The following FARP2 variants were observed in gnomAD, a reference collection of about 807,000 sequenced individuals.
The protein encoded by FARP2 is FERM, ARH/RhoGEF and pleckstrin domain protein 2, also known as FERM, ARHGEF and pleckstrin domain-containing protein 2.
Under a neutral mutation model 130.5 loss-of-function variants are expected in FARP2, and 111 were observed. The ratio of observed to expected loss-of-function variants is 0.85; its 90% CI spans 0.73 to 1.00. FARP2 has a LOEUF of 1.00. Ranked by LOEUF, FARP2 falls within the 50% of genes least tolerant of loss-of-function variation. The pLI is 0.00. For missense variants in FARP2, 1,385 were observed against 1,346.3 expected (o/e 1.03, Z -0.45); for synonymous variants, 504 against 516.9 (o/e 0.98, Z 0.34).
At chr2:241,411,475 AG>A (rs2062516552) in intron 6 of FARP2, among the ~76,000 whole-genome samples, 1 of 152,264 alleles carries the variant, frequency 6.6e-6, no homozygotes, top group South Asian at 2.1e-4. Context: ...AACCCTGGAA[AG>A]GGCCTCACTG....
chr2:241,448,197 A>G (rs991573573), intron 13 of FARP2, among the ~76,000 whole-genome samples: 8 of 152,076 alleles, frequency 5.3e-5, no homozygotes, highest in African/African-American at 1.9e-4. Context: ...CCCCCCCTAC[A>G]TCATGCCAGC....
intron 9 of FARP2, 149 bp downstream of exon 9, chr2:241,431,923 G>A (rs113760094): frequency 0.19 from 42,206 of 226,048 alleles, 4,447 homozygotes; most frequent in East Asian, 0.39. Flanking sequence ...CCGGGTTCAA[G>A]CGATTCTCCT....
chr2:241,358,442 A>G (rs914076796), intron 1 of FARP2, among the ~76,000 whole-genome samples: 2 of 152,276 alleles, frequency 1.3e-5, no homozygotes, highest in African/African-American at 4.8e-5. Context: ...GGGCAATTCC[A>G]TGTGAGCTCA....
In FARP2 at chr2:241,418,007, T is replaced by G; in HGVS notation, c.669T>G (p.Ala223=). 6.2e-7 allele frequency: 1 copy of G among 1,614,132 alleles called. No individual in the cohort carries two copies. The highest frequency in any genetic ancestry group is 8.5e-7 in the Non-Finnish European group (1 of 1,180,032). The change falls in exon 8 of 27, where the codon GCT becomes GCG. Residue 223 remains alanine (A), a synonymous_variant. Transcript: ENST00000264042. ...AESDFQVLEI[A]RKLEMYGIRF... ...CGGATTTCCAGGTGCTCGAAATTGCTCGAAAGTTGGAAATGTACGGCATCA... is the reference window on the plus strand; with the variant it reads ...CGGATTTCCAGGTGCTCGAAATTGCGCGAAAGTTGGAAATGTACGGCATCA...
At chr2:241,430,775 G>A (rs1277641241) in intron 8 of FARP2, among the ~76,000 whole-genome samples, 1 of 152,146 alleles carries the variant, frequency 6.6e-6, no homozygotes, top group Admixed American at 6.5e-5. Context: ...GAGGCAAGGT[G>A]GACTAATCAC....
intron 1 of FARP2, among the ~76,000 whole-genome samples, chr2:241,361,812 G>A (rs751449552): frequency 9.2e-5 from 14 of 151,936 alleles, no homozygotes; most frequent in Admixed American, 3.3e-4. Context: ...TTGTGAAGGA[G>A]GAACTACTTT....
chr2:241,381,545 G>A (rs2061664110), intron 2 of FARP2, among the ~76,000 whole-genome samples: 2 of 152,120 alleles, frequency 1.3e-5, no homozygotes, highest in African/African-American at 2.4e-5. Context: ...CTCCACAGCT[G>A]GAAGGTGCAG....
intron 8 of FARP2, among the ~76,000 whole-genome samples, chr2:241,420,762 A>G (rs779773641): frequency 5.3e-5 from 8 of 152,114 alleles, no homozygotes; most frequent in Non-Finnish European, 1.2e-4. Flanking sequence ...CTGGCCCCAC[A>G]TGCAACAATA....
chr2:241,406,934 AG>A (rs1387839718), intron 4 of FARP2, among the ~76,000 whole-genome samples: 1 of 151,930 alleles, frequency 6.6e-6, no homozygotes, highest in African/African-American at 2.4e-5. Flanking sequence ...CAGCCTCTGG[AG>A]TAGCTGGGAC....
At chr2:241,399,466 G>A (rs533421465) in intron 2 of FARP2, among the ~76,000 whole-genome samples, 29 of 152,116 alleles carry the variant, frequency 1.9e-4, no homozygotes, top group African/African-American at 5.1e-4. Context: ...CGCCACACCC[G>A]GCTAATTTTT....
At chr2:241,458,659 T>C (rs7597299) in intron 14 of FARP2, among the ~76,000 whole-genome samples, 26,985 of 152,018 alleles carry the variant, frequency 0.18, 2,621 homozygotes, top group Middle Eastern at 0.26. Context: ...GACAATCTCT[T>C]TAGTTCACTG....
intron 21 of FARP2, among the ~76,000 whole-genome samples, chr2:241,487,729 G>A (rs1442373568): frequency 1.5e-5 from 2 of 137,378 alleles, no homozygotes; most frequent in Admixed American, 1.5e-4. Flanking sequence ...TGATGTCATA[G>A]CTTAGCCTAG....
chr2:241,416,322 T>C (rs925842092), intron 7 of FARP2, among the ~76,000 whole-genome samples: 1 of 152,128 alleles, frequency 6.6e-6, no homozygotes, highest in Admixed American at 6.6e-5. Context: ...GGAATACAGT[T>C]GAACTCTTGC....
rs1344174430 is a variant in FARP2 at position 241,493,016 on chromosome 2, T to G, written c.2875T>G (p.Phe959Val). Residue 959 changes from phenylalanine (F) to valine (V), a missense_variant, in exon 25 of 27, where the codon TTC (phenylalanine) becomes GTC (valine). Physicochemically the swap from Phe to Val is conservative, Grantham distance 50 (BLOSUM62 -1). Transcript: ENST00000264042. ...GGTCGTCTTTACCAACTTCTGTTTGTTCTTCTACAAAACTCATCAGGTACT... is the reference window on the plus strand; with the variant it reads ...GGTCGTCTTTACCAACTTCTGTTTGGTCTTCTACAAAACTCATCAGGTACT... ...LWVVFTNFCL[F>V]FYKTHQDDYP... 2 of 1,603,906 alleles carry G rather than the reference T, an allele frequency of 1.2e-6. No homozygotes were observed. The highest frequency in any genetic ancestry group is 4.5e-5 in the East Asian group (2 of 44,868).
chr2:241,468,055 C>T (rs2064219836), intron 17 of FARP2, 85 bp from the exon 18 acceptor site: 1 of 938,478 alleles, frequency 1.1e-6, no homozygotes, highest in Admixed American at 1.7e-5. Flanking sequence ...TTCCAGCCGG[C>T]ACCTGCCATC....
chr2:241,439,034 C>CT (rs879576168), intron 12 of FARP2, among the ~76,000 whole-genome samples: 30 of 149,862 alleles, frequency 2.0e-4, no homozygotes, highest in East Asian at 5.9e-4. Flanking sequence ...ATTTTTTTTT[C>CT]TTTTTTTTTG....
chr2:241,463,611 A>G (rs1056240290), intron 16 of FARP2, 143 bp downstream of exon 16: 7 of 917,128 alleles, frequency 7.6e-6, no homozygotes, highest in Non-Finnish European at 9.8e-6. Context: ...GGGGAGAGGT[A>G]CAGATGTAAT....
chr2:241,376,196 G>A (rs148263338), intron 2 of FARP2, among the ~76,000 whole-genome samples: 105 of 152,226 alleles, frequency 6.9e-4, no homozygotes, highest in Middle Eastern at 3.4e-3. Context: ...AGCCCACTTG[G>A]CCTCATTTTT....
intron 13 of FARP2, among the ~76,000 whole-genome samples, chr2:241,454,170 A>G (rs2063770408): frequency 6.6e-6 from 1 of 152,044 alleles, no homozygotes; most frequent in Non-Finnish European, 1.5e-5. Context: ...AGCAGCACAC[A>G]TTATGATGGG....
Sources: gnomAD v4.1 joint callset for allele counts (sites outside exome capture counted in the v4.1 genomes callset) on GRCh38, gnomAD v4.1.1 for gene constraint, MANE v1.5 for transcripts, NCBI Gene and HGNC (gene_info 2026-07-23, HGNC 2026-07-21) for gene names.